GPR39: variants seen among roughly 807,000 people sequenced by gnomAD.
GPR39 encodes zinc sensing receptor.
GPR39 carries 23 observed loss-of-function variants against 18.4 expected under a neutral mutation model. That is an observed-to-expected ratio of 1.25 (90% confidence interval 0.90 to 1.77). The LOEUF (loss-of-function observed/expected upper bound fraction) is 1.77, where lower values mean the gene tolerates loss of function less well. Ranked by LOEUF, GPR39 falls within the 40% of genes most tolerant of loss-of-function variation. GPR39 has a pLI of 0.00. For synonymous variants in GPR39, 280 were observed against 257.9 expected (o/e 1.09, Z -0.82); for missense variants, 647 against 602.4 (o/e 1.07, Z -0.78).
chr2:132,530,099 C>A (rs1414993903), intron 1 of GPR39, among the ~76,000 whole-genome samples: 2 of 151,438 alleles, frequency 1.3e-5, no homozygotes, highest in African/African-American at 2.4e-5. Context: ...AAGTTAAAAA[C>A]CTTAAAAAAA....
chr2:132,429,780 G>T (rs1278953498), intron 1 of GPR39, among the ~76,000 whole-genome samples: 1 of 152,214 alleles, frequency 6.6e-6, no homozygotes, highest in Non-Finnish European at 1.5e-5. Context: ...CCTCCTAGGG[G>T]TTATATGAAA....
chr2:132,625,142 GC>G (rs1405132750), intron 1 of GPR39, among the ~76,000 whole-genome samples: 2 of 151,242 alleles, frequency 1.3e-5, no homozygotes, highest in Admixed American at 1.3e-4. Flanking sequence ...CTTCTACGTG[GC>G]TTTTTCCCCT....
At chr2:132,508,827 G>A (rs1042364083) in intron 1 of GPR39, among the ~76,000 whole-genome samples, 1 of 152,178 alleles carries the variant, frequency 6.6e-6, no homozygotes, top group Non-Finnish European at 1.5e-5. Context: ...GATGGCCTGG[G>A]ACTGAGAAAT....
At chr2:132,605,654 C>A (rs561312507) in intron 1 of GPR39, among the ~76,000 whole-genome samples, 1 of 152,094 alleles carries the variant, frequency 6.6e-6, no homozygotes, top group Non-Finnish European at 1.5e-5. Flanking sequence ...TATCTCCTAC[C>A]GAGCATTCCT....
At chr2:132,499,894 G>C (rs918758250) in intron 1 of GPR39, among the ~76,000 whole-genome samples, 1 of 152,064 alleles carries the variant, frequency 6.6e-6, no homozygotes, top group Non-Finnish European at 1.5e-5. Flanking sequence ...GGTCACTGTT[G>C]GTGTACAGCA....
At chr2:132,610,366 G>A (rs1323242690) in intron 1 of GPR39, among the ~76,000 whole-genome samples, 12 of 152,120 alleles carry the variant, frequency 7.9e-5, no homozygotes, top group Admixed American at 7.9e-4. Flanking sequence ...GCTGTAGCAT[G>A]CAACTCCAAA....
intron 1 of GPR39, among the ~76,000 whole-genome samples, chr2:132,493,539 A>T (rs1298415183): frequency 6.8e-6 from 1 of 146,930 alleles, no homozygotes; most frequent in Non-Finnish European, 1.5e-5. Flanking sequence ...CACACACCAT[A>T]TATATATATA....
intron 1 of GPR39, among the ~76,000 whole-genome samples, chr2:132,493,505 CATATATATAT>C (rs5834316): frequency 1.5e-5 from 2 of 130,572 alleles, no homozygotes; most frequent in African/African-American, 3.3e-5. Context: ...ATATATACAC[CATATATATAT>C]ATATATATAT....
intron 1 of GPR39, among the ~76,000 whole-genome samples, chr2:132,438,573 CTTTTTTTTTTTTT>C (rs35614907): frequency 1.0e-5 from 1 of 97,766 alleles, no homozygotes; most frequent in Non-Finnish European, 2.0e-5. Context: ...TGTCAGCAAG[CTTTTTTTTTTTTT>C]TTTTTTTTTT....
chr2:132,630,256 A>G (rs888163947), intron 1 of GPR39, among the ~76,000 whole-genome samples: 3 of 152,230 alleles, frequency 2.0e-5, no homozygotes, highest in Non-Finnish European at 4.4e-5. Flanking sequence ...ATAAGGATCT[A>G]TAACAGGAAG....
chr2:132,528,595 A>G (rs1422900814), intron 1 of GPR39, among the ~76,000 whole-genome samples: 1 of 151,834 alleles, frequency 6.6e-6, no homozygotes, highest in African/African-American at 2.4e-5. Context: ...TTCCATTTCC[A>G]TGCACTGATT....
At chr2:132,436,758 G>C (rs1381167748) in intron 1 of GPR39, among the ~76,000 whole-genome samples, 2 of 152,136 alleles carry the variant, frequency 1.3e-5, no homozygotes, top group African/African-American at 4.8e-5. Flanking sequence ...GCTGGTGCTG[G>C]CTTGGTGCTT....
chr2:132,553,576 T>C (rs1417419788), intron 1 of GPR39, among the ~76,000 whole-genome samples: 1 of 151,850 alleles, frequency 6.6e-6, no homozygotes, highest in Non-Finnish European at 1.5e-5. Context: ...CTGGATGAGA[T>C]AGACAAGCAT....
chr2:132,605,068 T>C (rs943312657), intron 1 of GPR39, among the ~76,000 whole-genome samples: 2 of 152,140 alleles, frequency 1.3e-5, no homozygotes, highest in African/African-American at 4.8e-5. Flanking sequence ...GAAATTGAGG[T>C]ACAGTCAATG....
chr2:132,593,138 C>T (rs1394451679), intron 1 of GPR39, among the ~76,000 whole-genome samples: 2 of 152,188 alleles, frequency 1.3e-5, no homozygotes, highest in Non-Finnish European at 2.9e-5. Context: ...TCCTTAGGGA[C>T]ACATTGCTCT....
At chr2:132,463,207 T>C (rs1191909065) in intron 1 of GPR39, among the ~76,000 whole-genome samples, 1 of 152,154 alleles carries the variant, frequency 6.6e-6, no homozygotes, top group African/African-American at 2.4e-5. Flanking sequence ...AAGGTAGTTA[T>C]GACTGGCAAA....
intron 1 of GPR39, among the ~76,000 whole-genome samples, chr2:132,468,452 C>T (rs1163017403): frequency 6.6e-6 from 1 of 152,048 alleles, no homozygotes; most frequent in African/African-American, 2.4e-5. Flanking sequence ...GAGGGACATG[C>T]TAGTCAGAGG....
intron 1 of GPR39, among the ~76,000 whole-genome samples, chr2:132,491,807 C>G (rs1681466393): frequency 6.6e-6 from 1 of 151,808 alleles, no homozygotes; most frequent in Admixed American, 6.6e-5. Context: ...GCTGTGTGAC[C>G]TCAGGCAAGC....
chr2:132,557,834 G>A (rs1003047966), intron 1 of GPR39, among the ~76,000 whole-genome samples: 2 of 152,142 alleles, frequency 1.3e-5, no homozygotes, highest in African/African-American at 2.4e-5. Context: ...AGGTTTATCC[G>A]CGTTTCTCGT....
Sources: allele counts gnomAD v4.1 joint callset (sites outside exome capture counted in the v4.1 genomes callset), GRCh38; gene constraint gnomAD v4.1.1; transcripts MANE v1.5; gene names NCBI Gene and HGNC (gene_info 2026-07-23, HGNC 2026-07-21).